Variants in DYTN observed in about 807,000 individuals in gnomAD.
The protein encoded by DYTN is dystrotelin.
A neutral mutation model predicts 69.6 loss-of-function variants in DYTN; 75 were observed. The observed-to-expected ratio is 1.08, with a 90% CI of 0.89 to 1.31. The LOEUF (loss-of-function observed/expected upper bound fraction) is 1.31, where lower values mean the gene tolerates loss of function less well. Ranked by LOEUF, DYTN falls within the 50% of genes most tolerant of loss-of-function variation. The probability of loss-of-function intolerance (pLI) is 0.00; values close to 1 mark genes in which losing one functional copy is unlikely to be tolerated. For synonymous variants in DYTN, 252 were observed against 249.1 expected, an observed-to-expected ratio of 1.01 and a Z score of -0.11; for missense variants, 726 against 688.4, an observed-to-expected ratio of 1.05 and a Z score of -0.61.
At chr2:206,687,865 T>G (rs1699828885) in intron 9 of DYTN, among the ~76,000 whole-genome samples, 1 of 152,220 alleles carries the variant, frequency 6.6e-6, no homozygotes, top group Admixed American at 6.5e-5. Flanking sequence ...ACTATATTAT[T>G]TGGTCATAGT....
Position 206,699,866 on chromosome 2 carries a change from C to T in DYTN, c.580G>A (p.Glu194Lys), listed in dbSNP as rs923846808. The T allele has an allele frequency of 4.3e-6, 7 of 1,613,306 alleles. No individual in the cohort carries two copies. Among genetic ancestry groups the T allele is most frequent in the Non-Finnish European group, 5.9e-6 (7 of 1,179,692 alleles). Residue 194 changes from glutamate (E) to lysine (K), a missense_variant, in exon 7 of 12, where the codon GAA (glutamate) becomes AAA (lysine). Physicochemically the swap from Glu to Lys is moderately conservative, Grantham distance 56. Transcript: ENST00000452335. ...GATTGGACCCAAGACAGGAATTTTT[C>T]TTCTTTGATTGCTGGGCTCAACACC... is the stretch of plus-strand genomic sequence containing the variant. Reference protein sequence around the residue: ...QGVLSPAIKEEKFLSWVQSEP... With the variant: ...QGVLSPAIKEKKFLSWVQSEP...
chr2:206,670,829 C>T (rs1272946455), intron 9 of DYTN, among the ~76,000 whole-genome samples: 1 of 152,164 alleles, frequency 6.6e-6, no homozygotes, highest in Non-Finnish European at 1.5e-5. Flanking sequence ...AGTTAAGTTG[C>T]TACCCTGAAT....
chr2:206,706,630 A>G (rs1314391442), intron 3 of DYTN, among the ~76,000 whole-genome samples: 1 of 152,104 alleles, frequency 6.6e-6, no homozygotes, highest in Non-Finnish European at 1.5e-5. Flanking sequence ...CTACTTTCCA[A>G]ATGTTTTGAA....
At chr2:206,699,682 C>G in intron 7 of DYTN, 45 bp downstream of exon 7, 2 of 1,585,620 alleles carry the variant, frequency 1.3e-6, no homozygotes, top group Non-Finnish European at 8.6e-7. Context: ...AACTGTAGAA[C>G]CATATGGAGA....
At chr2:206,686,532 T>C (rs576020047) in intron 9 of DYTN, 1 of 152,368 alleles carries the variant, frequency 6.6e-6, no homozygotes, top group South Asian at 2.1e-4. Flanking sequence ...AGAGCTGCAA[T>C]AGGAAGTTCT....
intron 11 of DYTN, among the ~76,000 whole-genome samples, chr2:206,661,940 T>C (rs993419498): frequency 1.3e-5 from 2 of 152,256 alleles, no homozygotes; most frequent in Admixed American, 6.5e-5. Context: ...AAAAGTGATA[T>C]GTGTTTAGTA....
intron 1 of DYTN, among the ~76,000 whole-genome samples, chr2:206,713,084 C>T (rs1017810401): frequency 6.6e-6 from 1 of 152,174 alleles, no homozygotes; most frequent in African/African-American, 2.4e-5. Flanking sequence ...AAAGCTAGTC[C>T]TTCCTTTGGT....
At chr2:206,697,954 C>T (rs1217806811) in intron 7 of DYTN, among the ~76,000 whole-genome samples, 1 of 152,124 alleles carries the variant, frequency 6.6e-6, no homozygotes, top group Non-Finnish European at 1.5e-5. Flanking sequence ...TTATGTTATA[C>T]ATAATAATTT....
chr2:206,654,531 G>C (rs56140055), intron 11 of DYTN, among the ~76,000 whole-genome samples: 6,104 of 152,096 alleles, frequency 0.04, 424 homozygotes, highest in African/African-American at 0.14. Flanking sequence ...TTATTTTACT[G>C]GTAAGGCTTC....
chr2:206,693,185 C>A lies in DYTN; in HGVS notation c.970G>T (p.Ala324Ser), dbSNP rs1207775010. The A allele has an allele frequency of 6.2e-7, 1 of 1,610,926 alleles. No individual in the cohort carries two copies. The highest frequency in any genetic ancestry group is 1.3e-5 in the African/African-American group (1 of 74,924). ...CTCGCAGCCACTCACCTGGCCTGCG[C>A]ATGGTGAGGCACACCCTTTGGATTC... Reference protein sequence around the residue: ...QVNPKGVPHHAQARLLKKQLN... With the variant: ...QVNPKGVPHHSQARLLKKQLN... The change falls in exon 9 of 12, where the codon GCG becomes TCG. Residue 324 changes from alanine to serine, a missense_variant. Ala to Ser is a moderately conservative substitution (Grantham distance 99). Transcript: ENST00000452335.
intron 9 of DYTN, among the ~76,000 whole-genome samples, chr2:206,672,655 C>G (rs564756143): frequency 2.0e-5 from 3 of 152,212 alleles, no homozygotes; most frequent in Non-Finnish European, 4.4e-5. Context: ...TCACACTTAA[C>G]TGCAATACGG....
intron 7 of DYTN, among the ~76,000 whole-genome samples, chr2:206,697,534 A>G (rs997162753): frequency 2.0e-5 from 3 of 152,204 alleles, no homozygotes; most frequent in Non-Finnish European, 4.4e-5. Flanking sequence ...ATCCCAAAAC[A>G]TAAGTTTAAA....
Position 206,710,597 on chromosome 2 carries a change from A to C in DYTN, c.21T>G (p.Asp7Glu), listed in dbSNP as rs760077745. The change falls in exon 2 of 12, where the codon GAT becomes GAG. Residue 7 changes from aspartate (D) to glutamate (E), a missense_variant and splice_region_variant. Transcript: ENST00000452335. ...TGGAATTCTCAATACTATTAAGAGC[A>C]TCTGTAAAGAAAACGTAAAATATTA... MDPDKQ[D>E]ALNSIENSIY... 8.8e-6 allele frequency: 14 copies of C among 1,599,224 alleles called. No homozygotes were observed. Among genetic ancestry groups the C allele is most frequent in the Non-Finnish European group, 9.4e-6 (11 of 1,171,642 alleles).
intron 8 of DYTN, 86 bp downstream of exon 8, chr2:206,694,680 G>T: frequency 9.2e-7 from 1 of 1,085,746 alleles, no homozygotes; most frequent in Non-Finnish European, 1.3e-6. Context: ...AGAATCTGTG[G>T]TTTCACTGGA....
intron 7 of DYTN, among the ~76,000 whole-genome samples, chr2:206,699,049 C>T (rs751793342): frequency 6.6e-6 from 1 of 152,224 alleles, no homozygotes; most frequent in Non-Finnish European, 1.5e-5. Context: ...ATGTGAACTG[C>T]TCAGCTTGGC....
intron 11 of DYTN, 108 bp downstream of exon 11, chr2:206,662,795 C>T: frequency 6.8e-7 from 1 of 1,475,794 alleles, no homozygotes; most frequent in South Asian, 1.4e-5. Context: ...CAGAGCACTG[C>T]TACATACTAG....
At chr2:206,678,783 T>G (rs1699718530) in intron 9 of DYTN, among the ~76,000 whole-genome samples, 1 of 152,242 alleles carries the variant, frequency 6.6e-6, no homozygotes, top group African/African-American at 2.4e-5. Context: ...TTTGCCATTT[T>G]AATTTTGTTC....
At chr2:206,698,837 A>C (rs760297753) in intron 7 of DYTN, among the ~76,000 whole-genome samples, 2 of 152,160 alleles carry the variant, frequency 1.3e-5, no homozygotes, top group African/African-American at 2.4e-5. Context: ...AATGCTGATG[A>C]TCTCTGTGAG....
At position 206,651,708 on chromosome 2, in the gene DYTN, T is replaced by G. The variant is rs1468786005; in HGVS notation, c.*110A>C. ...CAAAAAACAAAACCTGTTTTCTTCA[T>G]AGTTCACACTAAACTATTAAAAGAA... On this transcript the variant is annotated 3_prime_UTR_variant, in exon 12 of 12. Transcript: ENST00000452335. The G allele has an allele frequency of 3.1e-6, 3 of 983,312 alleles. No homozygotes were observed. The highest frequency in any genetic ancestry group is 3.3e-5 in the South Asian group (2 of 60,948). The allele number at this position is 983,312 out of a possible 1,614,324, so 60.9% of individuals were successfully genotyped here. A position where few individuals can be genotyped will look rare whatever the true frequency, so the allele number is the denominator to read the frequency against.
Sources: allele counts gnomAD v4.1 joint callset (sites outside exome capture counted in the v4.1 genomes callset), GRCh38; gene constraint gnomAD v4.1.1; transcripts MANE v1.5; gene names NCBI Gene and HGNC (gene_info 2026-07-23, HGNC 2026-07-21).